PRKN: variants seen among roughly 807,000 people sequenced by gnomAD.
The protein encoded by PRKN is E3 ubiquitin-protein ligase parkin.
PRKN carries 56 observed loss-of-function variants against 59.5 expected under a neutral mutation model. The observed-to-expected ratio is 0.94, with a 90% CI of 0.76 to 1.18. The LOEUF (loss-of-function observed/expected upper bound fraction) is 1.18. Ranked by LOEUF, PRKN falls within the 50% of genes most tolerant of loss-of-function variation. The pLI is 0.00. For missense variants in PRKN, 657 were observed against 596.4 expected, an observed-to-expected ratio of 1.10 and a Z score of -1.06; for synonymous variants, 250 against 222.1, an observed-to-expected ratio of 1.13 and a Z score of -1.12.
intron 4 of PRKN, among the ~76,000 whole-genome samples, chr6:162,190,620 G>T (rs982012812): frequency 2.6e-5 from 4 of 152,172 alleles, no homozygotes; most frequent in Admixed American, 6.6e-5. Flanking sequence ...AGATGGAAGA[G>T]CATGCACGCA....
At chr6:161,840,498 A>C (rs545235543) in intron 6 of PRKN, among the ~76,000 whole-genome samples, 1 of 152,314 alleles carries the variant, frequency 6.6e-6, no homozygotes, top group Non-Finnish European at 1.5e-5. Flanking sequence ...GGTTTGTTAC[A>C]TAGGTAAATG....
chr6:162,176,929 CTTT>C (rs5881458), intron 4 of PRKN, among the ~76,000 whole-genome samples: 1 of 145,668 alleles, frequency 6.9e-6, no homozygotes. Context: ...AATGAAATTC[CTTT>C]TTTTTTTTTT....
intron 2 of PRKN, among the ~76,000 whole-genome samples, chr6:162,432,225 G>C (rs968283557): frequency 4.6e-5 from 7 of 152,068 alleles, no homozygotes; most frequent in African/African-American, 1.7e-4. Flanking sequence ...ATTAAAGATT[G>C]GTATATAAGA....
chr6:162,582,886 T>C (rs927163325), intron 1 of PRKN, among the ~76,000 whole-genome samples: 2 of 152,206 alleles, frequency 1.3e-5, no homozygotes, highest in South Asian at 4.1e-4. Flanking sequence ...AAAGACAGTG[T>C]TTATGAAAAT....
chr6:162,379,139 T>C (rs992422994), intron 2 of PRKN, among the ~76,000 whole-genome samples: 3 of 152,290 alleles, frequency 2.0e-5, no homozygotes, highest in Middle Eastern at 6.8e-3. Context: ...GGTCTAAACA[T>C]CTCTAAACTA....
intron 4 of PRKN, among the ~76,000 whole-genome samples, chr6:162,139,799 T>C (rs1352451797): frequency 6.6e-6 from 1 of 151,822 alleles, no homozygotes; most frequent in South Asian, 2.1e-4. Context: ...TGATCTGAAA[T>C]GGCCCACTCC....
At chr6:162,128,627 CCT>C (rs1554274653) in intron 4 of PRKN, among the ~76,000 whole-genome samples, 2 of 152,050 alleles carry the variant, frequency 1.3e-5, no homozygotes, top group Non-Finnish European at 2.9e-5. Context: ...TGTCTTGGGC[CCT>C]GTTATTTTCT....
In PRKN at chr6:162,485,699, A is replaced by C. The variant is rs1792505376; in HGVS notation, c.8-42226T>G. ...CACCCACTACACTTGTCTTTACCCCAACAACTGTTCACATTAATCTGAGTT... is the reference window on the plus strand; with the variant it reads ...CACCCACTACACTTGTCTTTACCCCCACAACTGTTCACATTAATCTGAGTT... On this transcript the variant is annotated intron_variant, in intron 1 of 11. Coordinates refer to ENST00000366898, the MANE Select transcript of PRKN (RefSeq NM_004562.3). Among the ~76,000 whole-genome samples the C allele has an allele frequency of 2.0e-5, 3 of 152,136 alleles. No homozygotes were observed. In the South Asian group the frequency reaches 6.2e-4, roughly 32 times the overall value.
chr6:162,577,417 T>C (rs112200878), intron 1 of PRKN, among the ~76,000 whole-genome samples: 3,127 of 150,984 alleles, frequency 0.021, 105 homozygotes, highest in African/African-American at 0.071. Context: ...CTGGCCGACA[T>C]GGTGAAACCC....
Position 162,253,198 on chromosome 6 carries a change from G to A in PRKN, c.412+9327C>T, listed in dbSNP as rs560324318. On this transcript the variant is annotated intron_variant, in intron 3 of 11. Transcript: ENST00000366898. ...ATATCTATCGAAATGGTAATTGAAA[G>A]AGAAACTGGAAACATCACCTGTATG... Among the ~76,000 whole-genome samples, 99 of 152,304 alleles carry A rather than the reference G, an allele frequency of 6.5e-4. 1 individual carries two copies. The highest frequency in any genetic ancestry group is 1.9e-3 in the African/African-American group (81 of 41,554).
At chr6:162,304,703 A>T (rs2128115342) in intron 2 of PRKN, among the ~76,000 whole-genome samples, 1 of 150,982 alleles carries the variant, frequency 6.6e-6, no homozygotes, top group South Asian at 2.1e-4. Flanking sequence ...AGACAGACTT[A>T]AGGGTACCAG....
chr6:161,497,575 TCTCACA>T lies in PRKN; in HGVS notation c.1083+51273_1083+51278del, dbSNP rs1562487257. ...ACATGTCTCTCTCTCTCTCTCTCTC[TCTCACA>T]CACACACACACACACACCATATCCC... On this transcript the variant is annotated intron_variant, in intron 9 of 11. Coordinates refer to ENST00000366898, the MANE Select transcript of PRKN (RefSeq NM_004562.3). The surrounding 1 kb of genome is among the most constrained non-coding windows in gnomAD (Gnocchi z 4.6). Among the ~76,000 whole-genome samples, 1 of 139,518 alleles carries T rather than the reference TCTCACA, an allele frequency of 7.2e-6. No individual in the cohort carries two copies. Among genetic ancestry groups the T allele is most frequent in the Non-Finnish European group, 1.5e-5 (1 of 64,828 alleles). The allele number at this position is 139,518 out of a possible 152,430, so 91.5% of individuals were successfully genotyped here. A position where few individuals can be genotyped will look rare whatever the true frequency, so the allele number is the denominator to read the frequency against.
chr6:162,697,211 T>C (rs1778002315), intron 1 of PRKN, among the ~76,000 whole-genome samples: 1 of 152,314 alleles, frequency 6.6e-6, no homozygotes, highest in East Asian at 1.9e-4. Flanking sequence ...TTATTCTCCC[T>C]GCTTCTGTAT....
chr6:162,169,260 T>C (rs1783143106), intron 4 of PRKN, among the ~76,000 whole-genome samples: 1 of 152,214 alleles, frequency 6.6e-6, no homozygotes, highest in Non-Finnish European at 1.5e-5. Flanking sequence ...ACGTGTTTTA[T>C]TAGCTGAGGG....
At chr6:161,990,080 G>T (rs1015706368) in intron 5 of PRKN, among the ~76,000 whole-genome samples, 5 of 152,066 alleles carry the variant, frequency 3.3e-5, no homozygotes, top group Non-Finnish European at 5.9e-5. Flanking sequence ...GGACCAGCCT[G>T]CCCTCCCAGC....
In PRKN at chr6:162,681,924, G is replaced by C. The variant is rs1178516804; in HGVS notation, c.7+45738C>G. On this transcript the variant is annotated intron_variant, in intron 1 of 11. Transcript: ENST00000366898. ...TGTTGCTTCATTCTTTCCTTTCTTT[G>C]TTTGTGCATTTTGTCCAATTCTTTG... Among the ~76,000 whole-genome samples, 4 of 151,482 alleles carry C rather than the reference G, an allele frequency of 2.6e-5. No homozygotes were observed. The East Asian group carries it at 7.8e-4, about 29-fold the overall frequency.
intron 6 of PRKN, among the ~76,000 whole-genome samples, chr6:161,961,726 C>T (rs1302013371): frequency 6.6e-6 from 1 of 152,188 alleles, no homozygotes; most frequent in African/African-American, 2.4e-5. Flanking sequence ...GCTTGAAGCA[C>T]CTGGAATAGT....
intron 6 of PRKN, among the ~76,000 whole-genome samples, chr6:161,802,409 CCCACA>C (rs1791120990): frequency 1.3e-5 from 2 of 151,576 alleles, no homozygotes; most frequent in Admixed American, 1.3e-4. Context: ...ACACACACAC[CCCACA>C]CAAGCCCCAC....
intron 6 of PRKN, among the ~76,000 whole-genome samples, chr6:161,863,806 G>A (rs1384207540): frequency 2.6e-5 from 4 of 152,140 alleles, no homozygotes; most frequent in South Asian, 2.1e-4. Flanking sequence ...CCATAATAAA[G>A]GGAATACTGC....
Sources: gnomAD v4.1 joint callset for allele counts (sites outside exome capture counted in the v4.1 genomes callset) on GRCh38, gnomAD v4.1.1 for gene constraint, Gnocchi (gnomAD v3.1) non-coding constraint, MANE v1.5 for transcripts, NCBI Gene and HGNC (gene_info 2026-07-23, HGNC 2026-07-21) for gene names.